Variants in SNRNP27 observed in about 807,000 individuals in gnomAD.
SNRNP27 encodes U4/U6.U5 small nuclear ribonucleoprotein 27 kDa protein.
Under a neutral mutation model 25.1 loss-of-function variants are expected in SNRNP27, and 22 were observed. The ratio of observed to expected loss-of-function variants is 0.88; its 90% CI spans 0.63 to 1.25. SNRNP27 has a LOEUF of 1.25. SNRNP27 is among the 50% of genes most tolerant of loss of function. The pLI is 0.00. For synonymous variants in SNRNP27, 66 were observed against 64.9 expected (o/e 1.02, Z -0.08); for missense variants, 150 against 202.3 (o/e 0.74, Z 1.57).
At chr2:69,903,640 T>G (rs1676747706) in intron 5 of SNRNP27, among the ~76,000 whole-genome samples, 1 of 152,198 alleles carries the variant, frequency 6.6e-6, no homozygotes, top group South Asian at 2.1e-4. Context: ...TGTACCACAG[T>G]TTTGGAGCGA....
At chr2:69,894,052 T>G (rs2104110015) in intron 1 of SNRNP27, 34 bp downstream of exon 1, 2 of 1,589,776 alleles carry the variant, frequency 1.3e-6, no homozygotes. Context: ...GATATGGGGC[T>G]CTGTTGGAGG....
chr2:69,902,503 G>T (rs1348257291), intron 4 of SNRNP27, among the ~76,000 whole-genome samples: 1 of 151,674 alleles, frequency 6.6e-6, no homozygotes, highest in East Asian at 1.9e-4. Flanking sequence ...TGCTGCTGCT[G>T]CTGCTTGTGC....
chr2:69,900,344 A>C (rs1676673094), intron 4 of SNRNP27, among the ~76,000 whole-genome samples: 1 of 152,210 alleles, frequency 6.6e-6, no homozygotes, highest in African/African-American at 2.4e-5. Context: ...GTAAACCTTT[A>C]GGAATCGAAC....
At chr2:69,894,973 C>T in intron 1 of SNRNP27, 121 bp from the exon 2 acceptor site, 1 of 1,404,004 alleles carries the variant, frequency 7.1e-7, no homozygotes, top group Non-Finnish European at 9.6e-7. Flanking sequence ...CCACCGCTCC[C>T]AGCCTCTTTT....
chr2:69,895,061 A>G (rs1334313497), intron 1 of SNRNP27, 33 bp from the exon 2 acceptor site: 1 of 1,610,212 alleles, frequency 6.2e-7, no homozygotes, highest in Admixed American at 1.7e-5. Context: ...TGAGGTAATT[A>G]TCAGTTCTGC....
At position 69,896,610 on chromosome 2, in the gene SNRNP27, A is replaced by C. The variant is rs527406636; in HGVS notation, c.268+62A>C. On this transcript the variant is annotated intron_variant, in intron 3 of 5. Transcript: ENST00000244227. ...AGTGATGATAAAATTATAAAAGTTT[A>C]ATCTTGAACATTTAAATGTTAAGCC... 2.4e-4 allele frequency: 343 copies of C among 1,431,416 alleles called. 1 individual carries two copies. The highest frequency in any genetic ancestry group is 5.0e-4 in the Admixed American group (22 of 43,912). 88.7% of individuals were successfully genotyped at this position (1,431,416 alleles called of 1,614,324 possible).
chr2:69,901,458 A>G (rs1010407263), intron 4 of SNRNP27, among the ~76,000 whole-genome samples: 7 of 152,232 alleles, frequency 4.6e-5, no homozygotes, highest in African/African-American at 1.7e-4. Flanking sequence ...AGAAAGGTCA[A>G]GATGGAGTAA....
At chr2:69,902,187 CTCCTCCT>C (rs67515103) in intron 4 of SNRNP27, among the ~76,000 whole-genome samples, 78,372 of 149,366 alleles carry the variant, frequency 0.52, 22,261 homozygotes, top group African/African-American at 0.77. Flanking sequence ...TCATTGGACT[CTCCTCCT>C]TCCTCCTTCC....
At position 69,895,358 on chromosome 2, in the gene SNRNP27, G is replaced by A. The variant is rs12328592; in HGVS notation, c.155+144G>A. On this transcript the variant is annotated intron_variant, in intron 2 of 5. Transcript: ENST00000244227. ...AAACTTAATCCAACCTTATTCTAAA[G>A]CTAACATTCACCTTGGTTAAATGGT... is the stretch of plus-strand genomic sequence containing the variant. 7,230 of 1,052,954 alleles carry A rather than the reference G, an allele frequency of 6.9e-3. 349 individuals are homozygous for A. The African/African-American group carries it at 0.11, about 15-fold the overall frequency. 65.2% of individuals were successfully genotyped at this position (1,052,954 alleles called of 1,614,324 possible).
At chr2:69,897,294 C>A in intron 3 of SNRNP27, 83 bp from the exon 4 acceptor site, 1 of 904,030 alleles carries the variant, frequency 1.1e-6, no homozygotes, top group Non-Finnish European at 1.8e-6. Flanking sequence ...GGTGGAATGA[C>A]TATTAATCTG....
At chr2:69,899,721 C>T (rs1676661210) in intron 4 of SNRNP27, among the ~76,000 whole-genome samples, 1 of 152,130 alleles carries the variant, frequency 6.6e-6, no homozygotes, top group Non-Finnish European at 1.5e-5. Context: ...TGAGACATTG[C>T]GCCCGGCCTC....
Position 69,903,229 on chromosome 2 carries a change from C to T in SNRNP27, c.397C>T (p.Gln133Ter). Residue 133 changes from glutamine (Q) to a stop codon, truncating the protein, a stop_gained, in exon 5 of 6, where the codon CAG becomes TAG. Coordinates refer to ENST00000244227, the MANE Select transcript of SNRNP27 (RefSeq NM_006857.3). LOFTEE classifies it high-confidence loss of function. ...AAATGCCTATGCCATAAATGTCTCTCAGAAGAGGAAGTACAGGTATGCATA... is the reference window on the plus strand; with the variant it reads ...AAATGCCTATGCCATAAATGTCTCTTAGAAGAGGAAGTACAGGTATGCATA... Reference protein sequence around the residue: ...SVNAYAINVSQKRKYRQYMNR... With the variant: ...SVNAYAINVS The T allele has an allele frequency of 6.2e-7, 1 of 1,612,528 alleles. No homozygotes were observed. Among genetic ancestry groups the T allele is most frequent in the Non-Finnish European group, 8.5e-7 (1 of 1,178,596 alleles).
In SNRNP27 at chr2:69,897,452, C is replaced by A; in HGVS notation, c.344C>A (p.Thr115Lys). 1 of 1,608,134 alleles carries A rather than the reference C, an allele frequency of 6.2e-7. No individual in the cohort carries two copies. Among genetic ancestry groups the A allele is most frequent in the Non-Finnish European group, 8.5e-7 (1 of 1,174,854 alleles). The change falls in exon 4 of 6, where the codon ACA (threonine) becomes AAA (lysine). Residue 115 changes from threonine (T) to lysine (K), a missense_variant. Coordinates refer to ENST00000244227, the MANE Select transcript of SNRNP27 (RefSeq NM_006857.3). ...KLMGFASFDS[T>K]KGKKVDGSVN... Reference sequence around the variant, plus strand: ...ATGGGATTTGCCTCCTTTGACTCCACAAAAGTAAGTAAAACGTGCAACATT... The same window carrying A: ...ATGGGATTTGCCTCCTTTGACTCCAAAAAAGTAAGTAAAACGTGCAACATT...
chr2:69,894,525 A>G (rs1262992235), intron 1 of SNRNP27, among the ~76,000 whole-genome samples: 1 of 152,148 alleles, frequency 6.6e-6, no homozygotes, highest in Non-Finnish European at 1.5e-5. Context: ...GGAAATCGAT[A>G]TTAAGAATTT....
In SNRNP27 at chr2:69,904,694, C is replaced by A; in HGVS notation, c.*386C>A. 1 of 265,902 alleles carries A rather than the reference C, an allele frequency of 3.8e-6. No homozygotes were observed. Among genetic ancestry groups the A allele is most frequent in the Non-Finnish European group, 7.0e-6 (1 of 143,418 alleles). 16.5% of individuals were successfully genotyped at this position (265,902 alleles called of 1,614,324 possible). A position where few individuals can be genotyped will look rare whatever the true frequency, so the allele number is the denominator to read the frequency against. ...TTAGATTTGATAAATATTTTTATTACTAAAGAATCTCCCCAGACATTTTCT... is the reference window on the plus strand; with the variant it reads ...TTAGATTTGATAAATATTTTTATTAATAAAGAATCTCCCCAGACATTTTCT... On this transcript the variant is annotated 3_prime_UTR_variant, in exon 6 of 6. Coordinates refer to ENST00000244227, the MANE Select transcript of SNRNP27 (RefSeq NM_006857.3).
intron 4 of SNRNP27, among the ~76,000 whole-genome samples, chr2:69,902,656 TCTTCTGCTGCTC>T (rs71916262): frequency 0.53 from 80,262 of 150,432 alleles, 23,384 homozygotes; most frequent in African/African-American, 0.79. Context: ...TGCTTCTGCT[TCTTCTGCTGCTC>T]CTTCTGCTGC....
At chr2:69,899,492 C>T (rs1265611092) in intron 4 of SNRNP27, among the ~76,000 whole-genome samples, 1 of 152,028 alleles carries the variant, frequency 6.6e-6, no homozygotes, top group Non-Finnish European at 1.5e-5. Context: ...TGCAGCGGCG[C>T]AATCTCGGCT....
intron 1 of SNRNP27, 103 bp downstream of exon 1, chr2:69,894,121 C>A: frequency 1.8e-6 from 2 of 1,111,430 alleles, no homozygotes; most frequent in Non-Finnish European, 2.6e-6. Flanking sequence ...GAGAGGCGGG[C>A]CCTTTTCCCA....
At chr2:69,898,721 T>C (rs753817058) in intron 4 of SNRNP27, among the ~76,000 whole-genome samples, 1 of 152,204 alleles carries the variant, frequency 6.6e-6, no homozygotes, top group Non-Finnish European at 1.5e-5. Flanking sequence ...GAGGCATGAC[T>C]GTTTTGAGGT....
Sources: gnomAD v4.1 joint callset for allele counts (sites outside exome capture counted in the v4.1 genomes callset) on GRCh38, gnomAD v4.1.1 for gene constraint, MANE v1.5 for transcripts, NCBI Gene and HGNC (gene_info 2026-07-23, HGNC 2026-07-21) for gene names.